Variants in SAMD12 observed in about 807,000 individuals in gnomAD.
SAMD12 encodes the protein sterile alpha motif domain containing 12.
SAMD12 carries 9 observed loss-of-function variants against 15.0 expected under a neutral mutation model. That is an observed-to-expected ratio of 0.60 (90% CI 0.36 to 1.05). The LOEUF (loss-of-function observed/expected upper bound fraction) is 1.05. Among genes scored for constraint, SAMD12 ranks in the 50% least tolerant of loss-of-function variants. SAMD12 has a pLI of 0.01. For synonymous variants in SAMD12, 86 were observed against 90.1 expected, an observed-to-expected ratio of 0.96 and a Z score of 0.25; for missense variants, 230 against 234.2, an observed-to-expected ratio of 0.98 and a Z score of 0.12.
Position 118,543,631 on chromosome 8 carries a change from C to CTT in SAMD12, c.192+37082_192+37083dup, listed in dbSNP as rs397978436. On this transcript the variant is annotated intron_variant, in intron 2 of 3. Coordinates refer to ENST00000314727, the MANE Select transcript of SAMD12 (RefSeq NM_207506.3). ...TTTTTTTTCTTTTCTTTCTTTCTTT[C>CTT]TTTTTTTTTTTTTTTTTAGCTCACC... Among the ~76,000 whole-genome samples the CTT allele has an allele frequency of 6.5e-4, 76 of 116,614 alleles. 2 individuals carry two copies. The highest frequency in any genetic ancestry group is 2.4e-3 in the African/African-American group (66 of 27,540). 76.5% of individuals were successfully genotyped at this position (116,614 alleles called of 152,430 possible). A position where few individuals can be genotyped will look rare whatever the true frequency, so the allele number is the denominator to read the frequency against.
rs954903998 is a variant in SAMD12 at position 118,371,840 on chromosome 8, C to T, written c.433+7720G>A. 3.9e-5 allele frequency among the ~76,000 whole-genome samples: 6 copies of T among 152,168 alleles called. No homozygotes were observed. In the East Asian group the frequency reaches 1.2e-3, roughly 29 times the overall value. On this transcript the variant is annotated intron_variant, in intron 4 of 4. Transcript: ENST00000409003. ...GCAAAATGCCAACAACTAAGAGGACCTACCCCCAGGAGGAATCAATATTTG... is the reference window on the plus strand; with the variant it reads ...GCAAAATGCCAACAACTAAGAGGACTTACCCCCAGGAGGAATCAATATTTG...
intron 4 of SAMD12, among the ~76,000 whole-genome samples, chr8:118,280,907 T>C (rs1176892331): frequency 1.3e-5 from 2 of 152,154 alleles, no homozygotes; most frequent in East Asian, 3.8e-4. Context: ...GTGACCAGAG[T>C]GTATTCTGCG....
chr8:118,338,877 T>C (rs780068651), intron 4 of SAMD12, among the ~76,000 whole-genome samples: 1 of 152,174 alleles, frequency 6.6e-6, no homozygotes, highest in Non-Finnish European at 1.5e-5. Flanking sequence ...CCCAAATGAA[T>C]GTTAATCAAC....
At chr8:118,257,942 T>C (rs568513151) in intron 4 of SAMD12, among the ~76,000 whole-genome samples, 3 of 152,266 alleles carry the variant, frequency 2.0e-5, no homozygotes, top group South Asian at 2.1e-4. Context: ...CAGGTCAATG[T>C]TCCACTACAG....
chr8:118,402,494 G>C (rs1279916776), intron 3 of SAMD12, among the ~76,000 whole-genome samples: 1 of 152,196 alleles, frequency 6.6e-6, no homozygotes, highest in Non-Finnish European at 1.5e-5. Flanking sequence ...AATGTCCAAG[G>C]ACTGAGGCTT....
chr8:118,602,635 G>A (rs1481715220), intron 1 of SAMD12, among the ~76,000 whole-genome samples: 1 of 152,128 alleles, frequency 6.6e-6, no homozygotes, highest in African/African-American at 2.4e-5. Flanking sequence ...TTTTATCTGG[G>A]TAATTAACCA....
intron 2 of SAMD12, among the ~76,000 whole-genome samples, chr8:118,551,125 A>G (rs973754152): frequency 2.6e-5 from 4 of 152,220 alleles, no homozygotes; most frequent in African/African-American, 4.8e-5. Context: ...AACGGGACAG[A>G]AAGTCAACAA....
At chr8:118,137,160 G>T in the SAMD12 span, among the ~76,000 whole-genome samples, 2 of 152,140 alleles carry the variant, frequency 1.3e-5, no homozygotes, top group African/African-American at 4.8e-5. Flanking sequence ...GTTTCCCATT[G>T]GCCACTTGGT....
intron 4 of SAMD12, among the ~76,000 whole-genome samples, chr8:118,304,865 C>T (rs1246106757): frequency 2.0e-5 from 3 of 150,986 alleles, no homozygotes. Context: ...ATGTACAGCT[C>T]AGGCCAGGTG....
intron 4 of SAMD12, among the ~76,000 whole-genome samples, chr8:118,220,048 GTTA>G (rs1812051043): frequency 6.6e-6 from 1 of 152,180 alleles, no homozygotes; most frequent in Admixed American, 6.5e-5. Flanking sequence ...TATTACTCTT[GTTA>G]AAGCTATGGC....
At chr8:118,314,332 G>C (rs1446467266) in intron 4 of SAMD12, among the ~76,000 whole-genome samples, 1 of 152,058 alleles carries the variant, frequency 6.6e-6, no homozygotes, top group African/African-American at 2.4e-5. Context: ...GGAAGTTTCA[G>C]ATAAGTGTAC....
At chr8:118,178,200 A>C in the SAMD12 span, among the ~76,000 whole-genome samples, 1 of 152,236 alleles carries the variant, frequency 6.6e-6, no homozygotes, top group African/African-American at 2.4e-5. Flanking sequence ...CCATACATTT[A>C]GTGTAGTTAA....
chr8:118,612,644 GA>G (rs1255927240), intron 1 of SAMD12, among the ~76,000 whole-genome samples: 1 of 152,162 alleles, frequency 6.6e-6, no homozygotes, highest in Non-Finnish European at 1.5e-5. Context: ...CGTCAATCTG[GA>G]AAACCGCTCA....
intron 3 of SAMD12, chr8:118,395,051 A>G (rs1452779250): frequency 6.6e-6 from 1 of 152,176 alleles, no homozygotes; most frequent in Non-Finnish European, 1.5e-5. Flanking sequence ...GGGTATGTTA[A>G]CAGTATAGGA....
rs578013224 is a variant in SAMD12, at chr8:118,494,834, C to T, written c.193-54873G>A. ...TTCCTCTGAGTGCTCAGCATAGTGTCCCACACAAAGCATAGTATAATAAAA... is the reference window on the plus strand; with the variant it reads ...TTCCTCTGAGTGCTCAGCATAGTGTTCCACACAAAGCATAGTATAATAAAA... On this transcript the variant is annotated intron_variant, in intron 2 of 3. Transcript: ENST00000314727. 5.1e-4 allele frequency among the ~76,000 whole-genome samples: 78 copies of T among 152,128 alleles called. 1 individual carries two copies. Among genetic ancestry groups the T allele is most frequent in the Admixed American group, 2.6e-4 (4 of 15,258 alleles).
At chr8:118,166,851 C>A in the SAMD12 span, among the ~76,000 whole-genome samples, 1 of 152,154 alleles carries the variant, frequency 6.6e-6, no homozygotes, top group East Asian at 1.9e-4. Context: ...CCTGCAAAGC[C>A]CCTTATGTAT....
intron 1 of SAMD12, among the ~76,000 whole-genome samples, chr8:118,616,846 C>G (rs1210664832): frequency 6.6e-6 from 1 of 152,192 alleles, no homozygotes; most frequent in Non-Finnish European, 1.5e-5. Context: ...GTCAGATCAA[C>G]AGAGGCATTA....
At chr8:118,163,879 AAAACAAAAC>A in the SAMD12 span, among the ~76,000 whole-genome samples, 12 of 5,604 alleles carry the variant, frequency 2.1e-3, no homozygotes, top group Admixed American at 0.013. Flanking sequence ...CGTCTCAAAC[AAAACAAAAC>A]AAAACAAAAC....
chr8:118,391,117 C>CA, intron 3 of SAMD12, among the ~76,000 whole-genome samples: 1 of 151,996 alleles, frequency 6.6e-6, no homozygotes, highest in Admixed American at 6.6e-5. Flanking sequence ...ATGTGATTAC[C>CA]AAATCCCATC....
Sources: gnomAD v4.1 joint callset for allele counts (sites outside exome capture counted in the v4.1 genomes callset) on GRCh38, gnomAD v4.1.1 for gene constraint, MANE v1.5 for transcripts, NCBI Gene and HGNC (gene_info 2026-07-23, HGNC 2026-07-21) for gene names.